Variants in ARHGEF10 observed in about 807,000 individuals in gnomAD.
ARHGEF10 encodes the protein Rho guanine nucleotide exchange factor (GEF) 10.
Under a neutral mutation model 147.4 loss-of-function variants are expected in ARHGEF10, and 140 were observed. That is an observed-to-expected ratio of 0.95 (90% CI 0.83 to 1.09). The LOEUF (loss-of-function observed/expected upper bound fraction) is 1.09. Ranked by LOEUF, ARHGEF10 falls within the 50% of genes least tolerant of loss-of-function variation. The probability of loss-of-function intolerance (pLI) is 0.00; values close to 1 mark genes in which losing one functional copy is unlikely to be tolerated. For synonymous variants in ARHGEF10, 902 were observed against 695.8 expected, an observed-to-expected ratio of 1.30 and a Z score of -4.67; for missense variants, 2,222 against 1,752.7, an observed-to-expected ratio of 1.27 and a Z score of -4.78.
chr8:1,952,653 C>G, intron 27 of ARHGEF10, 52 bp from the exon 28 acceptor site: 1 of 1,610,098 alleles, frequency 6.2e-7, no homozygotes, highest in Non-Finnish European at 8.5e-7. Context: ...CACCGCCCCA[C>G]CAACTCTGCT....
intron 25 of ARHGEF10, 39 bp downstream of exon 25, chr8:1,929,482 G>A: frequency 1.3e-6 from 2 of 1,575,244 alleles, no homozygotes; most frequent in Non-Finnish European, 8.6e-7. Context: ...GGTCCTTGGG[G>A]TTCACTCAGG....
chr8:1,908,340 C>G (rs568649219), intron 17 of ARHGEF10, among the ~76,000 whole-genome samples: 1 of 151,070 alleles, frequency 6.6e-6, no homozygotes, highest in Non-Finnish European at 1.5e-5. Flanking sequence ...ACGCCATTCT[C>G]CTGCCTCAGC....
chr8:1,872,434 TA>T (rs1031587465), intron 7 of ARHGEF10, among the ~76,000 whole-genome samples: 14 of 152,324 alleles, frequency 9.2e-5, no homozygotes, highest in Admixed American at 5.2e-4. Flanking sequence ...CAGAAACTTG[TA>T]AACTCCCTCA....
chr8:1,847,671 T>G (rs1339729311), intron 2 of ARHGEF10, among the ~76,000 whole-genome samples: 3 of 152,208 alleles, frequency 2.0e-5, no homozygotes, highest in African/African-American at 7.2e-5. Context: ...CAAACCGCAG[T>G]GACACCCAGA....
chr8:1,952,132 G>A (rs906986471), intron 27 of ARHGEF10, among the ~76,000 whole-genome samples: 10 of 152,318 alleles, frequency 6.6e-5, no homozygotes, highest in African/African-American at 1.4e-4. Context: ...ACCATCCACC[G>A]TGATGTTTCC....
In ARHGEF10 at chr8:1,909,340, G is replaced by A. The variant is rs967013596; in HGVS notation, c.2013G>A (p.Leu671=). ...SRVMSSQRYL[L]KWSVPLGHVD... ...TGATGAGCAGCCAGAGGTACTTGCT[G>A]AAGTGGAGCGTTCCACTGGGACATG... Residue 671 remains leucine (L), a synonymous_variant, in exon 18 of 29, where the codon CTG becomes CTA. Coordinates refer to ENST00000349830, the MANE Select transcript of ARHGEF10 (RefSeq NM_014629.4). The A allele has an allele frequency of 6.2e-7, 1 of 1,614,116 alleles. No individual in the cohort carries two copies. The highest frequency in any genetic ancestry group is 1.3e-5 in the African/African-American group (1 of 74,946).
rs113719148 is a variant in ARHGEF10 at position 1,850,111 on chromosome 8, T to C, written c.37+6675T>C. ...AATGCTGAGGAGGGCGTGGGCCGGC[T>C]GCATGGACACAGAGGGCAAATGCTG... On this transcript the variant is annotated intron_variant, in intron 2 of 28. Transcript: ENST00000349830. Among the ~76,000 whole-genome samples the C allele has an allele frequency of 2.5e-3, 95 of 38,440 alleles. 1 individual carries two copies. Among genetic ancestry groups the C allele is most frequent in the East Asian group, 5.8e-3 (8 of 1,380 alleles). The allele number at this position is 38,440 out of a possible 152,430, so 25.2% of individuals were successfully genotyped here. A position where few individuals can be genotyped will look rare whatever the true frequency, so the allele number is the denominator to read the frequency against.
intron 27 of ARHGEF10, among the ~76,000 whole-genome samples, chr8:1,952,137 G>A (rs998508994): frequency 1.3e-5 from 2 of 152,250 alleles, no homozygotes; most frequent in African/African-American, 4.8e-5. Flanking sequence ...CCACCGTGAT[G>A]TTTCCCTGCT....
At chr8:1,890,553 GAGTTTTGAGGAGT>G in intron 11 of ARHGEF10, among the ~76,000 whole-genome samples, 1 of 148,942 alleles carries the variant, frequency 6.7e-6, no homozygotes, top group African/African-American at 2.6e-5. Context: ...AGTGGGGTGA[GAGTTTTGAGGAGT>G]CACTGAGTGT....
At chr8:1,892,196 G>A (rs79273299) in intron 11 of ARHGEF10, among the ~76,000 whole-genome samples, 9 of 151,186 alleles carry the variant, frequency 6.0e-5, no homozygotes, top group Admixed American at 4.6e-4. Context: ...CTAAGCTCTC[G>A]TTTGAAAGGG....
intron 8 of ARHGEF10, among the ~76,000 whole-genome samples, chr8:1,878,230 C>G (rs975222090): frequency 6.6e-6 from 1 of 151,934 alleles, no homozygotes; most frequent in Non-Finnish European, 1.5e-5. Flanking sequence ...TTGCCTGTCG[C>G]TCAGGCTGAA....
intron 23 of ARHGEF10, among the ~76,000 whole-genome samples, chr8:1,928,164 G>C (rs1304398811): frequency 6.6e-6 from 1 of 152,076 alleles, no homozygotes; most frequent in African/African-American, 2.4e-5. Flanking sequence ...ATGAGTACGT[G>C]ATTTTTAAAG....
intron 4 of ARHGEF10, among the ~76,000 whole-genome samples, chr8:1,863,760 G>A (rs1369229972): frequency 6.6e-6 from 1 of 152,082 alleles, no homozygotes; most frequent in African/African-American, 2.4e-5. Context: ...AACCTGCACT[G>A]CGGCTTTGCT....
intron 7 of ARHGEF10, among the ~76,000 whole-genome samples, chr8:1,874,787 G>A (rs1403616774): frequency 4.1e-5 from 6 of 147,634 alleles, no homozygotes; most frequent in Admixed American, 6.7e-5. Context: ...AGGGCGTGTA[G>A]GGGGTAGAGG....
In ARHGEF10 at chr8:1,888,057, G is replaced by C. The variant is rs557582556; in HGVS notation, c.1182+2350G>C. 2.0e-4 allele frequency among the ~76,000 whole-genome samples: 26 copies of C among 130,198 alleles called. 2 individuals carry two copies. The highest frequency in any genetic ancestry group is 3.5e-4 in the Non-Finnish European group (21 of 60,404). 85.4% of individuals were successfully genotyped at this position (130,198 alleles called of 152,430 possible). On this transcript the variant is annotated intron_variant, in intron 11 of 28. Coordinates refer to ENST00000349830, the MANE Select transcript of ARHGEF10 (RefSeq NM_014629.4). ...AGGGTGAGGGTTGTTAGGAGACAGTGAGTGGGATGAGGGTTTATGAGGAGA... is the reference window on the plus strand; with the variant it reads ...AGGGTGAGGGTTGTTAGGAGACAGTCAGTGGGATGAGGGTTTATGAGGAGA...
At chr8:1,823,847 C>T (rs1328518941), upstream of ARHGEF10, 3 of 151,780 alleles carry the variant, frequency 2.0e-5, no homozygotes, top group Admixed American at 1.3e-4. Flanking sequence ...AACCGGCAGG[C>T]TCTGCGGCCA....
At chr8:1,833,089 C>CAGAGGCAGAGAGAGAGAT (rs1803330179) in intron 1 of ARHGEF10, among the ~76,000 whole-genome samples, 1 of 30,406 alleles carries the variant, frequency 3.3e-5, no homozygotes, top group Non-Finnish European at 7.1e-5. Context: ...GAGACAGAGA[C>CAGAGGCAGAGAGAGAGAT]AGAGGCAGAG....
intron 3 of ARHGEF10, 66 bp from the exon 4 acceptor site, chr8:1,859,831 C>G (rs1805944347): frequency 5.6e-6 from 9 of 1,597,548 alleles, no homozygotes; most frequent in African/African-American, 1.3e-5. Flanking sequence ...CACTTGCGCT[C>G]CAGGAGGGCA....
chr8:1,862,695 C>G (rs982540675), intron 4 of ARHGEF10, among the ~76,000 whole-genome samples: 1 of 152,124 alleles, frequency 6.6e-6, no homozygotes, highest in Admixed American at 6.5e-5. Flanking sequence ...CTGGGCAGCA[C>G]GTCCTGCCTT....
Sources: allele counts gnomAD v4.1 joint callset (sites outside exome capture counted in the v4.1 genomes callset), GRCh38; gene constraint gnomAD v4.1.1; transcripts MANE v1.5; gene names NCBI Gene and HGNC (gene_info 2026-07-23, HGNC 2026-07-21).